Variants in PRKCH observed in about 807,000 individuals in gnomAD.
PRKCH encodes the protein protein kinase C eta, also known as protein kinase C eta type.
A neutral mutation model predicts 82.5 loss-of-function variants in PRKCH; 28 were observed. That is an observed-to-expected ratio of 0.34 (90% confidence interval 0.25 to 0.47). The LOEUF (loss-of-function observed/expected upper bound fraction) is 0.47. Ranked by LOEUF, PRKCH falls within the 20% of genes least tolerant of loss-of-function variation. PRKCH has a pLI of 1.00. For synonymous variants in PRKCH, 322 were observed against 327.4 expected (o/e 0.98, Z 0.18); for missense variants, 705 against 881.8 (o/e 0.80, Z 2.54).
At chr14:61,488,011 G>A (rs1886301067) in intron 10 of PRKCH, among the ~76,000 whole-genome samples, 2 of 152,044 alleles carry the variant, frequency 1.3e-5, no homozygotes. Flanking sequence ...AAATTAGCCG[G>A]GCAAGGTGGC....
At chr14:61,364,789 A>G (rs570797792) in intron 1 of PRKCH, among the ~76,000 whole-genome samples, 1 of 152,180 alleles carries the variant, frequency 6.6e-6, no homozygotes, top group South Asian at 2.1e-4. Flanking sequence ...GCAGTGAGCC[A>G]TGATTGCACC....
chr14:61,325,574 C>T (rs1272127038), intron 1 of PRKCH, among the ~76,000 whole-genome samples: 3 of 151,992 alleles, frequency 2.0e-5, no homozygotes, highest in East Asian at 1.9e-4. Flanking sequence ...TTTTAGATAG[C>T]GTACAAAAGG....
At chr14:61,289,898 G>A (rs1259999483) in intron 1 of PRKCH, among the ~76,000 whole-genome samples, 12 of 152,212 alleles carry the variant, frequency 7.9e-5, no homozygotes, top group Non-Finnish European at 1.6e-4. Context: ...GGCTGCCTCA[G>A]GTTTCCTAGT....
intron 2 of PRKCH, among the ~76,000 whole-genome samples, chr14:61,404,693 A>G (rs575461507): frequency 1.2e-4 from 19 of 152,284 alleles, no homozygotes; most frequent in African/African-American, 4.3e-4. Flanking sequence ...GAGGACAGAG[A>G]TGGGTCCTAT....
At chr14:61,340,877 T>C (rs1013177218) in intron 1 of PRKCH, among the ~76,000 whole-genome samples, 3 of 152,194 alleles carry the variant, frequency 2.0e-5, no homozygotes, top group Non-Finnish European at 2.9e-5. Context: ...TTCTTTCTCC[T>C]TTACCTCTTT....
chr14:61,220,573 C>T (rs112830663), intron 1 of PRKCH, among the ~76,000 whole-genome samples: 2,320 of 152,304 alleles, frequency 0.015, 68 homozygotes, highest in African/African-American at 0.054. Flanking sequence ...AATCATGGCA[C>T]TGGACATAAA....
At chr14:61,511,093 C>G (rs1473170919) in intron 10 of PRKCH, among the ~76,000 whole-genome samples, 3 of 152,164 alleles carry the variant, frequency 2.0e-5, no homozygotes, top group Non-Finnish European at 4.4e-5. Flanking sequence ...AGTCACCACA[C>G]AGTGAACTCT....
chr14:61,403,057 A>T (rs931439173), intron 2 of PRKCH, among the ~76,000 whole-genome samples: 12 of 152,060 alleles, frequency 7.9e-5, no homozygotes, highest in Non-Finnish European at 1.8e-4. Context: ...TTTAAGTCAG[A>T]CATTAAAGAG....
At chr14:61,206,936 GTC>G (rs2044528887) in intron 1 of PRKCH, among the ~76,000 whole-genome samples, 1 of 151,436 alleles carries the variant, frequency 6.6e-6, no homozygotes, top group South Asian at 2.1e-4. Flanking sequence ...AAGAAACCCC[GTC>G]TCTACTAAAA....
At chr14:61,244,018 A>C (rs1325427611) in intron 1 of PRKCH, among the ~76,000 whole-genome samples, 1 of 152,062 alleles carries the variant, frequency 6.6e-6, no homozygotes, top group Non-Finnish European at 1.5e-5. Context: ...TGAAAGCTGC[A>C]CATCACCGCA....
chr14:61,346,683 A>G (rs2045996541), intron 1 of PRKCH, among the ~76,000 whole-genome samples: 1 of 152,178 alleles, frequency 6.6e-6, no homozygotes, highest in Non-Finnish European at 1.5e-5. Context: ...ATTTTCATGT[A>G]TGTGTGTACT....
intron 1 of PRKCH, 111 bp downstream of exon 1, chr14:61,322,575 C>T: frequency 6.3e-6 from 9 of 1,431,438 alleles, no homozygotes; most frequent in African/African-American, 1.4e-5. Context: ...TGAGGGAATT[C>T]CCTCCAGACT....
chr14:61,449,362 C>T (rs373678633), intron 5 of PRKCH, 110 bp downstream of exon 5: 61 of 908,946 alleles, frequency 6.7e-5, no homozygotes, highest in South Asian at 2.2e-4. Flanking sequence ...TCCTTCTCCC[C>T]GTCCCCAAAC....
At chr14:61,336,447 A>C (rs1220296508) in intron 1 of PRKCH, among the ~76,000 whole-genome samples, 1 of 152,162 alleles carries the variant, frequency 6.6e-6, no homozygotes, top group Non-Finnish European at 1.5e-5. Flanking sequence ...TATAGTTACA[A>C]TGTTGGCTAA....
intron 1 of PRKCH, among the ~76,000 whole-genome samples, chr14:61,353,150 G>C (rs763824015): frequency 6.6e-6 from 1 of 152,168 alleles, no homozygotes; most frequent in Non-Finnish European, 1.5e-5. Flanking sequence ...ATAAGAGATC[G>C]TGGTGGACCT....
chr14:61,241,978 C>T (rs971499782), intron 1 of PRKCH, among the ~76,000 whole-genome samples: 21 of 152,036 alleles, frequency 1.4e-4, no homozygotes, highest in African/African-American at 4.8e-4. Flanking sequence ...TTTCTAGCCA[C>T]CTCCCCATTA....
chr14:61,380,883 C>T (rs2046497947), intron 1 of PRKCH, among the ~76,000 whole-genome samples: 3 of 152,118 alleles, frequency 2.0e-5, no homozygotes, highest in Non-Finnish European at 4.4e-5. Context: ...AAGAGTTTTA[C>T]TTTTGCCAGA....
chr14:61,206,310 C>T (rs571685054), intron 1 of PRKCH, among the ~76,000 whole-genome samples: 5 of 152,200 alleles, frequency 3.3e-5, no homozygotes, highest in Admixed American at 6.5e-5. Flanking sequence ...GGCTTCCTTG[C>T]CTCTTCCTAG....
At chr14:61,274,745 A>G (rs1355101266) in intron 1 of PRKCH, among the ~76,000 whole-genome samples, 1 of 152,248 alleles carries the variant, frequency 6.6e-6, no homozygotes, top group Non-Finnish European at 1.5e-5. Context: ...TGGCCCATAC[A>G]GAAGTTACAG....
Sources: gnomAD v4.1 joint callset for allele counts (sites outside exome capture counted in the v4.1 genomes callset) on GRCh38, gnomAD v4.1.1 for gene constraint, MANE v1.5 for transcripts, NCBI Gene and HGNC (gene_info 2026-07-23, HGNC 2026-07-21) for gene names.